MECOM: variants seen among roughly 807,000 people sequenced by gnomAD.
MECOM encodes the protein MDS1 and EVI1 complex locus.
A neutral mutation model predicts 116.3 loss-of-function variants in MECOM; 13 were observed. The observed-to-expected ratio is 0.11, with a 90% CI of 0.07 to 0.18. The LOEUF is 0.18. Ranked by LOEUF, MECOM falls within the 10% of genes least tolerant of loss-of-function variation. MECOM has a pLI of 1.00. For missense variants in MECOM, 1,299 were observed against 1,509.0 expected (o/e 0.86, Z 2.31); for synonymous variants, 528 against 535.2 (o/e 0.99, Z 0.19).
At chr3:169,651,895 T>C (rs1442936299) in intron 1 of MECOM, among the ~76,000 whole-genome samples, 1 of 152,180 alleles carries the variant, frequency 6.6e-6, no homozygotes, top group Non-Finnish European at 1.5e-5. Context: ...AAAGGATGAA[T>C]GGTGGTCATC....
chr3:169,504,171 G>GTGTGTGTA (rs1208537626), intron 1 of MECOM, among the ~76,000 whole-genome samples: 5 of 150,904 alleles, frequency 3.3e-5, no homozygotes, highest in African/African-American at 1.2e-4. Flanking sequence ...GTGTGTGTGT[G>GTGTGTGTA]TGTGTGTGTG....
chr3:169,396,233 A>G (rs1181953665), intron 1 of MECOM, among the ~76,000 whole-genome samples: 2 of 152,210 alleles, frequency 1.3e-5, no homozygotes, highest in African/African-American at 2.4e-5. Context: ...TGTTTAAACC[A>G]GAAGAACACA....
Position 169,611,280 on chromosome 3 carries a change from A to G in MECOM, c.37+52056T>C, listed in dbSNP as rs1030182890. 3.9e-5 allele frequency among the ~76,000 whole-genome samples: 6 copies of G among 152,196 alleles called. No individual in the cohort carries two copies. Among genetic ancestry groups the G allele is most frequent in the Non-Finnish European group, 5.9e-5 (4 of 68,026 alleles). On this transcript the variant is annotated intron_variant, in intron 1 of 16. Coordinates refer to ENST00000651503, the MANE Select transcript of MECOM (RefSeq NM_004991.4). This position sits in a 1 kb window ranked among gnomAD's most constrained non-coding sequence, Gnocchi z 4.1. The stretch of plus-strand genomic sequence containing the variant: ...CTCGGGCACTGCCACTGTCTCTTCC[A>G]ATGCAATTTGTACATTATGCCGAAT...
chr3:169,370,014 C>A (rs990033012), intron 2 of MECOM, among the ~76,000 whole-genome samples: 33 of 151,900 alleles, frequency 2.2e-4, no homozygotes, highest in African/African-American at 7.7e-4. Flanking sequence ...GTATGCAACA[C>A]GTCAAGTGCA....
chr3:169,173,562 G>A (rs1244944897), intron 2 of MECOM, among the ~76,000 whole-genome samples: 2 of 152,108 alleles, frequency 1.3e-5, no homozygotes, highest in Admixed American at 1.3e-4. Flanking sequence ...TAGCCTCTAT[G>A]ACTCTCTCAG....
At chr3:169,639,454 T>C (rs1773201585) in intron 1 of MECOM, among the ~76,000 whole-genome samples, 1 of 152,210 alleles carries the variant, frequency 6.6e-6, no homozygotes, top group Non-Finnish European at 1.5e-5. Context: ...CATTTTGTGA[T>C]AGTCTGAAGC....
intron 2 of MECOM, among the ~76,000 whole-genome samples, chr3:169,288,864 A>C (rs912334333): frequency 1.3e-5 from 2 of 152,222 alleles, no homozygotes; most frequent in African/African-American, 4.8e-5. Flanking sequence ...AAGTTGCCTC[A>C]AGGTTAACTC....
At chr3:169,129,529 A>G (rs1733998157) in intron 4 of MECOM, among the ~76,000 whole-genome samples, 1 of 151,992 alleles carries the variant, frequency 6.6e-6, no homozygotes, top group African/African-American at 2.4e-5. Context: ...GTGGTAACAG[A>G]AATCTTTGGA....
intron 1 of MECOM, among the ~76,000 whole-genome samples, chr3:169,485,975 T>TATATATATATACTATATATAC (rs1752245954): frequency 1.5e-5 from 1 of 67,666 alleles, no homozygotes; most frequent in Non-Finnish European, 2.7e-5. Context: ...TATATATACA[T>TATATATATATACTATATATAC]ATATATATAG....
intron 1 of MECOM, among the ~76,000 whole-genome samples, chr3:169,425,590 G>A (rs1740509636): frequency 6.6e-6 from 1 of 152,124 alleles, no homozygotes; most frequent in African/African-American, 2.4e-5. Context: ...TATGAGGTAT[G>A]TCCGACCACT....
At chr3:169,201,989 G>T (rs1018260073) in intron 2 of MECOM, among the ~76,000 whole-genome samples, 2 of 151,998 alleles carry the variant, frequency 1.3e-5, no homozygotes, top group Non-Finnish European at 2.9e-5. Flanking sequence ...TCCTTTCAGG[G>T]GTTCCCTGTA....
At chr3:169,434,639 A>G (rs1190436991) in intron 1 of MECOM, among the ~76,000 whole-genome samples, 1 of 152,192 alleles carries the variant, frequency 6.6e-6, no homozygotes, top group Non-Finnish European at 1.5e-5. Context: ...ACCTCACAAC[A>G]TTGTACATTT....
chr3:169,400,721 T>C (rs759413963), intron 1 of MECOM, among the ~76,000 whole-genome samples: 1 of 152,192 alleles, frequency 6.6e-6, no homozygotes, highest in Non-Finnish European at 1.5e-5. Flanking sequence ...TTAAAACACA[T>C]TACCGTAAAG....
intron 2 of MECOM, among the ~76,000 whole-genome samples, chr3:169,377,838 T>C (rs1042377016): frequency 3.9e-5 from 6 of 152,056 alleles, no homozygotes; most frequent in African/African-American, 1.4e-4. Context: ...ACCCAAAGGA[T>C]TATAAATCAT....
intron 1 of MECOM, chr3:169,623,945 T>C (rs561215550): frequency 2.6e-5 from 4 of 152,340 alleles, no homozygotes; most frequent in African/African-American, 9.6e-5. Flanking sequence ...AAGCTGCTCA[T>C]TCCAACAATG....
intron 3 of MECOM, among the ~76,000 whole-genome samples, chr3:169,138,996 C>A (rs530634866): frequency 1.3e-5 from 2 of 152,160 alleles, no homozygotes; most frequent in South Asian, 2.1e-4. Context: ...CAGCTAGGAT[C>A]GTCCTGGAAG....
At chr3:169,106,373 A>G (rs1324731079) in intron 10 of MECOM, among the ~76,000 whole-genome samples, 1 of 152,138 alleles carries the variant, frequency 6.6e-6, no homozygotes, top group East Asian at 1.9e-4. Context: ...ACAGGCATAC[A>G]ACGTGAAATA....
At chr3:169,251,288 G>T (rs1756213695) in intron 2 of MECOM, among the ~76,000 whole-genome samples, 1 of 152,074 alleles carries the variant, frequency 6.6e-6, no homozygotes, top group African/African-American at 2.4e-5. Flanking sequence ...TGCTTGGTTG[G>T]TACAAGTTTG....
At chr3:169,184,281 A>T (rs1746428642) in intron 2 of MECOM, among the ~76,000 whole-genome samples, 1 of 152,124 alleles carries the variant, frequency 6.6e-6, no homozygotes, top group Admixed American at 6.5e-5. Context: ...GAAGGTAGGG[A>T]AAAAGAAGAA....
Sources: gnomAD v4.1 joint callset for allele counts (sites outside exome capture counted in the v4.1 genomes callset) on GRCh38, gnomAD v4.1.1 for gene constraint, Gnocchi (gnomAD v3.1) non-coding constraint, MANE v1.5 for transcripts, NCBI Gene and HGNC (gene_info 2026-07-23, HGNC 2026-07-21) for gene names.